The following METAP1 variants were observed in gnomAD, a reference collection of about 807,000 sequenced individuals.
The protein encoded by METAP1 is methionine aminopeptidase 1.
Under a neutral mutation model 53.8 loss-of-function variants are expected in METAP1, and 28 were observed. The observed-to-expected ratio is 0.52, with a 90% CI of 0.39 to 0.71. METAP1 has a LOEUF of 0.71. METAP1 is among the 30% of genes least tolerant of loss of function. The pLI is 0.00. For synonymous variants in METAP1, 181 were observed against 165.7 expected (o/e 1.09, Z -0.71); for missense variants, 389 against 479.8 (o/e 0.81, Z 1.77).
chr4:99,053,794 G>A (rs1292391574), intron 9 of METAP1, among the ~76,000 whole-genome samples: 3 of 152,056 alleles, frequency 2.0e-5, no homozygotes, highest in South Asian at 2.1e-4. Flanking sequence ...GCTCTTGGGC[G>A]ACCAGGTGCA....
chr4:99,045,009 A>G (rs1009141295), intron 7 of METAP1, among the ~76,000 whole-genome samples, 170 bp from the exon 8 acceptor site: 1 of 152,250 alleles, frequency 6.6e-6, no homozygotes, highest in Non-Finnish European at 1.5e-5. Context: ...GAGTTCAGTT[A>G]CATCTCAGGG....
At chr4:99,007,969 T>A (rs930400895) in intron 1 of METAP1, among the ~76,000 whole-genome samples, 1 of 152,224 alleles carries the variant, frequency 6.6e-6, no homozygotes, top group East Asian at 1.9e-4. Flanking sequence ...CCTCCTGTAA[T>A]GTCCTTGCCT....
At chr4:99,043,828 A>T (rs974647929) in intron 7 of METAP1, among the ~76,000 whole-genome samples, 8 of 152,224 alleles carry the variant, frequency 5.3e-5, no homozygotes, top group African/African-American at 1.7e-4. Context: ...AGCTTTAAAG[A>T]CCCCTATGTT....
intron 1 of METAP1, among the ~76,000 whole-genome samples, chr4:99,014,681 G>A (rs1160770478): frequency 6.6e-6 from 1 of 152,132 alleles, no homozygotes; most frequent in African/African-American, 2.4e-5. Flanking sequence ...TCCTATTTTT[G>A]TTGATGAAAT....
chr4:99,046,507 A>T (rs761757058), intron 8 of METAP1, among the ~76,000 whole-genome samples: 1 of 152,224 alleles, frequency 6.6e-6, no homozygotes, highest in East Asian at 1.9e-4. Context: ...AATCCTTACC[A>T]TATCAACTTT....
rs768792952 is a variant in METAP1 at position 99,057,711 on chromosome 4, G to A, written c.932-42G>A. On this transcript the variant is annotated intron_variant, in intron 9 of 10. Transcript: ENST00000296411. ...CTAGTTAGCTGTTCAACAGTACACT[G>A]TTGGTTTTGCTACCTTTTGAGATTT... 8.8e-6 allele frequency: 13 copies of A among 1,470,628 alleles called. No homozygotes were observed. The East Asian group carries it at 3.2e-4, about 36-fold the overall frequency. 91.1% of individuals were successfully genotyped at this position (1,470,628 alleles called of 1,614,324 possible).
chr4:99,045,391 T>C, intron 8 of METAP1, 81 bp downstream of exon 8: 1 of 1,490,624 alleles, frequency 6.7e-7, no homozygotes, highest in Non-Finnish European at 9.0e-7. Flanking sequence ...GTTCTGTGCA[T>C]TCCTTGTACC....
At chr4:99,029,015 T>A (rs1231263662) in intron 2 of METAP1, 97 bp downstream of exon 2, 2 of 826,694 alleles carry the variant, frequency 2.4e-6, no homozygotes, top group Non-Finnish European at 3.8e-6. Flanking sequence ...TATATTTGAA[T>A]GTTCTGAAAG....
chr4:99,032,205 C>T lies in METAP1; in HGVS notation c.167-2025C>T, dbSNP rs139596479. On this transcript the variant is annotated intron_variant, in intron 2 of 10. Coordinates refer to ENST00000296411, the MANE Select transcript of METAP1 (RefSeq NM_015143.3). Reference sequence around the variant, plus strand: ...TGGGTTATATTATTTGTTTGCTTTACATTCGTTTTTTTTTTGTTTTGTTTT... The same window carrying T: ...TGGGTTATATTATTTGTTTGCTTTATATTCGTTTTTTTTTTGTTTTGTTTT... Among the ~76,000 whole-genome samples the T allele has an allele frequency of 8.6e-4, 129 of 149,364 alleles. 2 individuals are homozygous for T. In the East Asian group the frequency reaches 0.024, roughly 27 times the overall value.
intron 7 of METAP1, among the ~76,000 whole-genome samples, chr4:99,044,797 A>G (rs995897425): frequency 3.3e-5 from 5 of 152,240 alleles, no homozygotes; most frequent in Non-Finnish European, 4.4e-5. Flanking sequence ...GGAGTAAGGA[A>G]CTTGTAAAAG....
chr4:99,047,230 T>C (rs1726333865), intron 8 of METAP1, among the ~76,000 whole-genome samples: 1 of 152,178 alleles, frequency 6.6e-6, no homozygotes, highest in Non-Finnish European at 1.5e-5. Flanking sequence ...CCTGATAATT[T>C]TTTGTTGTAG....
intron 1 of METAP1, among the ~76,000 whole-genome samples, chr4:99,016,860 T>C (rs1723797873): frequency 6.6e-6 from 1 of 152,210 alleles, no homozygotes; most frequent in Non-Finnish European, 1.5e-5. Flanking sequence ...GGCCCCAGCA[T>C]GTTCCTTGGT....
chr4:99,038,531 T>A (rs894162076), intron 4 of METAP1, among the ~76,000 whole-genome samples: 2 of 152,128 alleles, frequency 1.3e-5, no homozygotes, highest in Non-Finnish European at 2.9e-5. Flanking sequence ...CTCACTTGCA[T>A]CCTGATGTAT....
At chr4:99,033,559 C>CA (rs1235549334) in intron 2 of METAP1, among the ~76,000 whole-genome samples, 3 of 152,176 alleles carry the variant, frequency 2.0e-5, no homozygotes, top group Non-Finnish European at 4.4e-5. Context: ...TAATAACTGA[C>CA]ACGATTGTGT....
chr4:99,032,241 T>TTTTG (rs1560715305), intron 2 of METAP1, among the ~76,000 whole-genome samples: 19 of 152,034 alleles, frequency 1.2e-4, no homozygotes, highest in African/African-American at 4.6e-4. Flanking sequence ...GTTTTGTTTT[T>TTTTG]TTTTGAGACA....
intron 2 of METAP1, chr4:99,031,561 G>A: frequency 7.8e-7 from 1 of 1,288,630 alleles, no homozygotes; most frequent in African/African-American, 1.5e-5. Context: ...TTGTGACCAT[G>A]GGTTATTCTA....
At position 99,057,630 on chromosome 4, in the gene METAP1, G is replaced by T. The variant is rs1337941394; in HGVS notation, c.932-123G>T. 7.1e-6 allele frequency: 5 copies of T among 702,726 alleles called. No individual in the cohort carries two copies. In the African/African-American group the frequency reaches 9.0e-5, roughly 13 times the overall value. 43.5% of individuals were successfully genotyped at this position (702,726 alleles called of 1,614,324 possible). On this transcript the variant is annotated intron_variant, in intron 9 of 10. Coordinates refer to ENST00000296411, the MANE Select transcript of METAP1 (RefSeq NM_015143.3). The stretch of plus-strand genomic sequence containing the variant: ...CCTGTTTGTTGAACTTTAAGAAAGG[G>T]AATCAGGGTAATTAATTTAACAATC...
At chr4:99,011,538 A>G (rs985576803) in intron 1 of METAP1, among the ~76,000 whole-genome samples, 4 of 152,168 alleles carry the variant, frequency 2.6e-5, no homozygotes, top group Non-Finnish European at 5.9e-5. Flanking sequence ...TCAGTGTGCT[A>G]TTGAATTTAT....
chr4:99,033,601 A>C (rs1393724038), intron 2 of METAP1, among the ~76,000 whole-genome samples: 1 of 152,172 alleles, frequency 6.6e-6, no homozygotes, highest in Non-Finnish European at 1.5e-5. Flanking sequence ...TTTCTGCTGA[A>C]CTTTAAACAG....
Sources: allele counts gnomAD v4.1 joint callset (sites outside exome capture counted in the v4.1 genomes callset), GRCh38; gene constraint gnomAD v4.1.1; transcripts MANE v1.5; gene names NCBI Gene and HGNC (gene_info 2026-07-23, HGNC 2026-07-21).